PGCKA1: variants seen among roughly 807,000 people sequenced by gnomAD.
PGCKA1 encodes PDCD10 and GCKIII kinases-associated protein 1.
chr4:37,557,156 T>C, the PGCKA1 span, among the ~76,000 whole-genome samples: 1 of 152,224 alleles, frequency 6.6e-6, no homozygotes, highest in Non-Finnish European at 1.5e-5. Flanking sequence ...GAACACTTGT[T>C]TTACTTTCTT....
the PGCKA1 span, among the ~76,000 whole-genome samples, chr4:37,461,333 C>T: frequency 6.6e-6 from 1 of 151,888 alleles, no homozygotes; most frequent in Middle Eastern, 3.2e-3. Flanking sequence ...TTTAAATTAG[C>T]TTTTTTTCTA....
the PGCKA1 span, among the ~76,000 whole-genome samples, chr4:37,539,114 A>G: frequency 2.0e-5 from 3 of 152,184 alleles, no homozygotes; most frequent in African/African-American, 7.2e-5. Flanking sequence ...CTCCTTATCT[A>G]TGAGGAACAT....
the PGCKA1 span, among the ~76,000 whole-genome samples, chr4:37,491,747 T>G: frequency 6.6e-6 from 1 of 152,184 alleles, no homozygotes; most frequent in Admixed American, 6.5e-5. Flanking sequence ...AATTATTTTC[T>G]TGATGTTTTC....
chr4:37,581,417 C>T, the PGCKA1 span, among the ~76,000 whole-genome samples: 14 of 150,470 alleles, frequency 9.3e-5, no homozygotes, highest in Non-Finnish European at 1.9e-4. This position sits in a 1 kb window ranked among gnomAD's most constrained non-coding sequence, Gnocchi z 4.4. Context: ...GGTATTCCTG[C>T]TGGTTATTCA....
At chr4:37,485,981 A>T in the PGCKA1 span, among the ~76,000 whole-genome samples, 1 of 152,200 alleles carries the variant, frequency 6.6e-6, no homozygotes, top group African/African-American at 2.4e-5. Flanking sequence ...CGTATCATGA[A>T]TCAGGTTTGA....
At chr4:37,506,724 C>T in the PGCKA1 span, among the ~76,000 whole-genome samples, 1 of 151,714 alleles carries the variant, frequency 6.6e-6, no homozygotes, top group East Asian at 1.9e-4. Flanking sequence ...GAGAATGATC[C>T]TTGTGCTAAG....
the PGCKA1 span, among the ~76,000 whole-genome samples, chr4:37,571,882 T>A: frequency 1.3e-4 from 20 of 152,022 alleles, no homozygotes; most frequent in African/African-American, 4.8e-4. Flanking sequence ...TCCTCCCACC[T>A]CGGCCTCCCA....
chr4:37,474,169 T>G, the PGCKA1 span, among the ~76,000 whole-genome samples: 1 of 152,300 alleles, frequency 6.6e-6, no homozygotes, highest in Admixed American at 6.5e-5. Context: ...CCTGCCATCA[T>G]GAATGGATTA....
At chr4:37,467,658 ATAC>A in the PGCKA1 span, among the ~76,000 whole-genome samples, 1 of 152,256 alleles carries the variant, frequency 6.6e-6, no homozygotes, top group Non-Finnish European at 1.5e-5. Flanking sequence ...ACCAAGGGAT[ATAC>A]TGGCTTGTGG....
the PGCKA1 span, among the ~76,000 whole-genome samples, chr4:37,459,799 CTTT>C: frequency 3.2e-4 from 44 of 136,140 alleles, no homozygotes; most frequent in African/African-American, 4.3e-4. Context: ...AGCTTTCTTT[CTTT>C]TTTTTTTTTT....
chr4:37,492,279 C>T, the PGCKA1 span, among the ~76,000 whole-genome samples: 28 of 152,204 alleles, frequency 1.8e-4, 1 homozygote, highest in African/African-American at 6.5e-4. The surrounding 1 kb of genome is among the most constrained non-coding windows in gnomAD (Gnocchi z 4.7). Context: ...TGGCTTTCCC[C>T]GGCTACCTGA....
chr4:37,582,397 C>T, the PGCKA1 span, among the ~76,000 whole-genome samples: 5 of 152,268 alleles, frequency 3.3e-5, no homozygotes, highest in African/African-American at 1.2e-4. Context: ...GTACAATGTT[C>T]AAAAGCAGGT....
the PGCKA1 span, among the ~76,000 whole-genome samples, chr4:37,577,971 G>C: frequency 6.6e-6 from 1 of 152,074 alleles, no homozygotes; most frequent in East Asian, 1.9e-4. Context: ...CCTAACATAT[G>C]GTCTATCCTT....
chr4:37,590,519 C>G, the PGCKA1 span: 1 of 1,614,144 alleles, frequency 6.2e-7, no homozygotes, highest in Non-Finnish European at 8.5e-7. Context: ...TCAGAAGGGA[C>G]CCAAGTCATG....
chr4:37,496,330 G>T, the PGCKA1 span, among the ~76,000 whole-genome samples: 1 of 152,296 alleles, frequency 6.6e-6, no homozygotes, highest in East Asian at 1.9e-4. Context: ...TGGCAAGCCA[G>T]TTTTCCCATC....
chr4:37,460,238 T>C, the PGCKA1 span, among the ~76,000 whole-genome samples: 1 of 152,246 alleles, frequency 6.6e-6, no homozygotes, highest in Non-Finnish European at 1.5e-5. Context: ...AGTCTGTCAC[T>C]GATGGACATT....
chr4:37,563,523 C>T, the PGCKA1 span, among the ~76,000 whole-genome samples: 1 of 152,174 alleles, frequency 6.6e-6, no homozygotes, highest in African/African-American at 2.4e-5. Flanking sequence ...CTGATGACCT[C>T]ATTTAACCTT....
chr4:37,535,774 C>T, the PGCKA1 span, among the ~76,000 whole-genome samples: 1 of 152,170 alleles, frequency 6.6e-6, no homozygotes, highest in African/African-American at 2.4e-5. Context: ...TCAGTGTGAG[C>T]GATGTTGCTG....
the PGCKA1 span, among the ~76,000 whole-genome samples, chr4:37,489,513 C>T: frequency 6.6e-6 from 1 of 152,010 alleles, no homozygotes; most frequent in Non-Finnish European, 1.5e-5. Flanking sequence ...AATAATATAA[C>T]ATTCCACTTC....
Sources: allele counts gnomAD v4.1 joint callset (sites outside exome capture counted in the v4.1 genomes callset), GRCh38; gene constraint gnomAD v4.1.1; non-coding constraint Gnocchi (gnomAD v3.1); transcripts MANE v1.5; gene names NCBI Gene and HGNC (gene_info 2026-07-23, HGNC 2026-07-21).